ZMAT3: variants seen among roughly 807,000 people sequenced by gnomAD.
ZMAT3 encodes zinc finger matrin-type protein 3.
ZMAT3 carries 17 observed loss-of-function variants against 32.3 expected under a neutral mutation model. That is an observed-to-expected ratio of 0.53 (90% CI 0.36 to 0.79). ZMAT3 has a LOEUF of 0.79. Among genes scored for constraint, ZMAT3 ranks in the 30% least tolerant of loss-of-function variants. The probability of loss-of-function intolerance (pLI) is 0.00; values close to 1 mark genes in which losing one functional copy is unlikely to be tolerated. For missense variants in ZMAT3, 329 were observed against 359.7 expected (o/e 0.91, Z 0.69); for synonymous variants, 120 against 133.1 (o/e 0.90, Z 0.68).
intron 5 of ZMAT3, 23 bp from the exon 6 acceptor site, chr3:179,025,251 T>A: frequency 6.4e-7 from 1 of 1,554,836 alleles, no homozygotes; most frequent in East Asian, 2.4e-5. Context: ...ATAAAAATAA[T>A]ATATTCAAAA....
chr3:179,060,801 GA>G (rs549804325), intron 2 of ZMAT3, among the ~76,000 whole-genome samples: 129 of 152,060 alleles, frequency 8.5e-4, no homozygotes, highest in African/African-American at 3.1e-3. Flanking sequence ...GGATAAAAGG[GA>G]GAGCCTAAAA....
chr3:179,036,063 A>G (rs1400387804), intron 2 of ZMAT3, among the ~76,000 whole-genome samples: 1 of 152,218 alleles, frequency 6.6e-6, no homozygotes, highest in African/African-American at 2.4e-5. Context: ...GCCTTTGCCC[A>G]TGATAAAGAA....
chr3:179,030,856 T>C, intron 3 of ZMAT3, 24 bp downstream of exon 3: 1 of 1,602,694 alleles, frequency 6.2e-7, no homozygotes, highest in Non-Finnish European at 8.5e-7. Flanking sequence ...CTAATGCTGC[T>C]TCACCCTGAC....
chr3:179,068,936 G>A (rs1721566071), intron 1 of ZMAT3, among the ~76,000 whole-genome samples: 2 of 152,204 alleles, frequency 1.3e-5, no homozygotes, highest in South Asian at 4.1e-4. Flanking sequence ...GCTAGTTAGT[G>A]CTCAGAGGCA....
In ZMAT3 at chr3:179,024,083, C is replaced by A. The variant is rs568936919; in HGVS notation, c.*934G>T. 6 of 152,040 alleles carry A rather than the reference C, an allele frequency of 3.9e-5. No homozygotes were observed. The highest frequency in any genetic ancestry group is 1.4e-4 in the African/African-American group (6 of 41,476). The allele number at this position is 152,040 out of a possible 1,614,324, so 9.4% of individuals were successfully genotyped here. Reference sequence around the variant, plus strand: ...TATTCAAATATGAGGCTTGGAAAACCCACAGCACAGCTGGGGCATGAAAAT... The same window carrying A: ...TATTCAAATATGAGGCTTGGAAAACACACAGCACAGCTGGGGCATGAAAAT... On this transcript the variant is annotated 3_prime_UTR_variant, in exon 6 of 6. Coordinates refer to ENST00000311417, the MANE Select transcript of ZMAT3 (RefSeq NM_022470.4).
chr3:179,029,171 A>G lies in ZMAT3; in HGVS notation c.391-1359T>C, dbSNP rs543270457. Among the ~76,000 whole-genome samples, 10 of 152,206 alleles carry G rather than the reference A, an allele frequency of 6.6e-5. No individual in the cohort carries two copies. In the South Asian group the frequency reaches 8.3e-4, roughly 13 times the overall value. ...CAAAACTCCATCTCAAAAAAAAAAAAAAAGAAAGAAATTCTTGCTCCACCA... is the reference window on the plus strand; with the variant it reads ...CAAAACTCCATCTCAAAAAAAAAAAGAAAGAAAGAAATTCTTGCTCCACCA... On this transcript the variant is annotated intron_variant, in intron 3 of 5. Coordinates refer to ENST00000311417, the MANE Select transcript of ZMAT3 (RefSeq NM_022470.4).
intron 2 of ZMAT3, among the ~76,000 whole-genome samples, chr3:179,060,748 G>A (rs1156809132): frequency 6.6e-6 from 1 of 151,970 alleles, no homozygotes; most frequent in Non-Finnish European, 1.5e-5. Context: ...AGTATCCTGG[G>A]GAAAACTAGA....
intron 2 of ZMAT3, among the ~76,000 whole-genome samples, chr3:179,063,043 T>C (rs896313646): frequency 3.3e-5 from 5 of 152,214 alleles, no homozygotes; most frequent in African/African-American, 7.2e-5. Flanking sequence ...TTTACAGATA[T>C]TGAATAAAGA....
chr3:179,059,462 T>C (rs1182040912), intron 2 of ZMAT3, among the ~76,000 whole-genome samples: 2 of 152,212 alleles, frequency 1.3e-5, no homozygotes, highest in Admixed American at 6.5e-5. Context: ...TTTTCAAAAC[T>C]ATCAAGCAGA....
chr3:179,045,257 G>A (rs1720168370), intron 2 of ZMAT3, among the ~76,000 whole-genome samples: 1 of 152,118 alleles, frequency 6.6e-6, no homozygotes, highest in African/African-American at 2.4e-5. Context: ...GAAGAGTCTA[G>A]TTAAATACAT....
intron 2 of ZMAT3, among the ~76,000 whole-genome samples, chr3:179,037,400 T>A (rs1173619203): frequency 1.3e-5 from 2 of 152,138 alleles, no homozygotes; most frequent in African/African-American, 2.4e-5. Context: ...ATTCCCCTCA[T>A]CTAGACAACG....
chr3:179,053,777 T>G (rs1720693691), intron 2 of ZMAT3, among the ~76,000 whole-genome samples: 1 of 152,152 alleles, frequency 6.6e-6, no homozygotes. Flanking sequence ...ATTTGGGACA[T>G]TCTACAAAAC....
In ZMAT3 at chr3:179,049,864, C is replaced by T. The variant is rs373192716; in HGVS notation, c.270+17619G>A. ...AAAATTAGCTGGGCGTGGTGGTGGG[C>T]GCCTGTAGTCTCAGCTACTCGGGAG... On this transcript the variant is annotated intron_variant, in intron 2 of 5. Coordinates refer to ENST00000311417, the MANE Select transcript of ZMAT3 (RefSeq NM_022470.4). Among the ~76,000 whole-genome samples the T allele has an allele frequency of 1.5e-4, 22 of 151,530 alleles. No homozygotes were observed. In the East Asian group the frequency reaches 3.9e-3, roughly 27 times the overall value.
At chr3:179,026,833 G>A (rs1718901091) in intron 5 of ZMAT3, among the ~76,000 whole-genome samples, 1 of 152,162 alleles carries the variant, frequency 6.6e-6, no homozygotes. Flanking sequence ...GAGGGTGAGG[G>A]ACTACTCAGC....
Position 179,024,172 on chromosome 3 carries a change from A to G in ZMAT3, c.*845T>C, listed in dbSNP as rs6766762. 1.3e-5 allele frequency: 2 copies of G among 152,178 alleles called. No individual in the cohort carries two copies. Among genetic ancestry groups the G allele is most frequent in the African/African-American group, 4.8e-5 (2 of 41,436 alleles). The allele number at this position is 152,178 out of a possible 1,614,324, so 9.4% of individuals were successfully genotyped here. On this transcript the variant is annotated 3_prime_UTR_variant, in exon 6 of 6. Coordinates refer to ENST00000311417, the MANE Select transcript of ZMAT3 (RefSeq NM_022470.4). ...AAGAGGAGGGAAGAAGGCGGCAATT[A>G]TATGTGTGAAATCCACAACTGGAAA...
At chr3:179,032,856 A>G (rs9868456) in intron 2 of ZMAT3, among the ~76,000 whole-genome samples, 121,827 of 149,830 alleles carry the variant, frequency 0.81, 49,780 homozygotes, top group East Asian at 0.94. Flanking sequence ...CAGCCACCCC[A>G]TCCAGGAGGT....
chr3:179,023,689 AATATATCTATAT>A lies in ZMAT3; in HGVS notation c.*1316_*1327del, dbSNP rs1292107040. The A allele has an allele frequency of 7.1e-5, 3 of 42,262 alleles. No homozygotes were observed. Among genetic ancestry groups the A allele is most frequent in the South Asian group, 9.2e-4 (1 of 1,090 alleles). The allele number at this position is 42,262 out of a possible 1,614,324, so 2.6% of individuals were successfully genotyped here. A position where few individuals can be genotyped will look rare whatever the true frequency, so the allele number is the denominator to read the frequency against. ...CTTTGTTTCCTAAAAACTGCTGGAA[AATATATCTATAT>A]ATATATATATTTTTTTTTTTTTTTT... On this transcript the variant is annotated 3_prime_UTR_variant, in exon 6 of 6. Transcript: ENST00000311417.
rs1323589020 is a variant in ZMAT3, at chr3:179,027,405, T to C, written c.658+18A>G. ...AGGTACAGAATGTACCCAAGGTATG[T>C]GGAAACAGACAAGATACCTGAATTA... On this transcript the variant is annotated intron_variant, in intron 5 of 5. Transcript: ENST00000311417. 1.2e-6 allele frequency: 2 copies of C among 1,607,974 alleles called. No individual in the cohort carries two copies. The highest frequency in any genetic ancestry group is 1.7e-6 in the Non-Finnish European group (2 of 1,174,736).
At chr3:179,070,456 A>G (rs1327978662) in intron 1 of ZMAT3, among the ~76,000 whole-genome samples, 1 of 152,236 alleles carries the variant, frequency 6.6e-6, no homozygotes, top group Non-Finnish European at 1.5e-5. Context: ...TATATTTAAC[A>G]ATCAACACAA....
Sources: gnomAD v4.1 joint callset for allele counts (sites outside exome capture counted in the v4.1 genomes callset) on GRCh38, gnomAD v4.1.1 for gene constraint, MANE v1.5 for transcripts, NCBI Gene and HGNC (gene_info 2026-07-23, HGNC 2026-07-21) for gene names.